Variants in RIMS2 observed in about 807,000 individuals in gnomAD.
RIMS2 encodes the protein regulating synaptic membrane exocytosis protein 2.
RIMS2 carries 59 observed loss-of-function variants against 174.4 expected under a neutral mutation model. The ratio of observed to expected loss-of-function variants is 0.34; its 90% CI spans 0.27 to 0.42. The LOEUF is 0.42. Ranked by LOEUF, RIMS2 falls within the 10% of genes least tolerant of loss-of-function variation. RIMS2 has a pLI of 1.00. For synonymous variants in RIMS2, 606 were observed against 572.5 expected, an observed-to-expected ratio of 1.06 and a Z score of -0.84; for missense variants, 1,620 against 1,666.3, an observed-to-expected ratio of 0.97 and a Z score of 0.48.
intron 19 of RIMS2, among the ~76,000 whole-genome samples, chr8:104,177,935 G>T (rs952100792): frequency 1.3e-5 from 2 of 152,092 alleles, no homozygotes; most frequent in African/African-American, 4.8e-5. Context: ...AGACTTGAAA[G>T]AAGATGTCAA....
At chr8:104,151,109 A>C (rs2098686368) in intron 19 of RIMS2, among the ~76,000 whole-genome samples, 1 of 152,202 alleles carries the variant, frequency 6.6e-6, no homozygotes, top group South Asian at 2.1e-4. Flanking sequence ...TAGAGAGGGA[A>C]TGATAGATTC....
intron 1 of RIMS2, among the ~76,000 whole-genome samples, chr8:103,590,035 A>T (rs1375483397): frequency 6.6e-6 from 1 of 151,378 alleles, no homozygotes; most frequent in East Asian, 1.9e-4. Flanking sequence ...CGTGGTGACT[A>T]TAGTTAATAA....
chr8:104,254,468 C>G (rs1004612855), downstream of RIMS2: 1 of 152,180 alleles, frequency 6.6e-6, no homozygotes, highest in Non-Finnish European at 1.5e-5. Context: ...CCCCACACAG[C>G]CCTGAGCCTG....
chr8:103,636,195 G>A (rs1282203494), intron 1 of RIMS2, among the ~76,000 whole-genome samples: 2 of 152,174 alleles, frequency 1.3e-5, no homozygotes, highest in African/African-American at 4.8e-5. Flanking sequence ...TCAAGCCAGT[G>A]GGTTTTATCT....
At chr8:104,088,624 G>A (rs547917544) in intron 19 of RIMS2, among the ~76,000 whole-genome samples, 1 of 151,950 alleles carries the variant, frequency 6.6e-6, no homozygotes, top group South Asian at 2.1e-4. Flanking sequence ...TGGTTATCTG[G>A]TGAGATTTAT....
intron 19 of RIMS2, among the ~76,000 whole-genome samples, chr8:104,148,140 A>T (rs1203191152): frequency 1.4e-5 from 2 of 147,260 alleles, no homozygotes; most frequent in Admixed American, 6.8e-5. Context: ...TTACAGGGCC[A>T]CTCTTGAAAT....
At chr8:103,647,548 C>T (rs1362227773) in intron 1 of RIMS2, among the ~76,000 whole-genome samples, 3 of 152,014 alleles carry the variant, frequency 2.0e-5, no homozygotes, top group Non-Finnish European at 2.9e-5. Flanking sequence ...GAATCCATCT[C>T]GTCCTGGGCT....
intron 6 of RIMS2, among the ~76,000 whole-genome samples, chr8:103,915,179 A>G (rs1330531867): frequency 2.6e-5 from 4 of 152,072 alleles, no homozygotes; most frequent in African/African-American, 9.6e-5. Context: ...ATACTGTAAA[A>G]TGTTTTTGTA....
At chr8:103,692,418 A>G (rs1280325893) in intron 1 of RIMS2, among the ~76,000 whole-genome samples, 2 of 152,176 alleles carry the variant, frequency 1.3e-5, no homozygotes, top group Non-Finnish European at 2.9e-5. Flanking sequence ...GACCCAAGCC[A>G]CAAGACAAAG....
At chr8:104,042,880 T>C (rs1001466029) in intron 19 of RIMS2, among the ~76,000 whole-genome samples, 4 of 151,510 alleles carry the variant, frequency 2.6e-5, no homozygotes, top group East Asian at 1.9e-4. Flanking sequence ...GTCAGTAGCA[T>C]ATGAAGAGTA....
chr8:103,829,093 T>A (rs1172053422), intron 3 of RIMS2, among the ~76,000 whole-genome samples: 2 of 150,626 alleles, frequency 1.3e-5, no homozygotes, highest in African/African-American at 2.4e-5. Context: ...TAGGTTTTTT[T>A]TTTTTTTTTT....
At chr8:104,041,607 G>A (rs958889774) in intron 19 of RIMS2, among the ~76,000 whole-genome samples, 4 of 151,648 alleles carry the variant, frequency 2.6e-5, no homozygotes, top group African/African-American at 9.6e-5. Flanking sequence ...TCCATAAACT[G>A]AATAACTAAA....
chr8:103,837,082 A>G (rs140819835), intron 3 of RIMS2, among the ~76,000 whole-genome samples: 65 of 152,324 alleles, frequency 4.3e-4, no homozygotes, highest in Middle Eastern at 3.4e-3. Context: ...TTAGTTGTCT[A>G]TTGTTGTCTA....
intron 3 of RIMS2, among the ~76,000 whole-genome samples, chr8:103,865,590 A>G (rs946580163): frequency 2.0e-5 from 3 of 152,020 alleles, no homozygotes; most frequent in Admixed American, 6.6e-5. Context: ...CAGCATCCAT[A>G]TCAGTTTTTA....
intron 19 of RIMS2, among the ~76,000 whole-genome samples, chr8:104,114,094 A>G (rs1246308923): frequency 1.3e-5 from 2 of 152,084 alleles, no homozygotes; most frequent in Non-Finnish European, 2.9e-5. Context: ...TTCTGATATT[A>G]GAATTCCTAA....
chr8:103,558,163 C>A (rs2131851394), intron 1 of RIMS2, among the ~76,000 whole-genome samples: 1 of 151,896 alleles, frequency 6.6e-6, no homozygotes, highest in South Asian at 2.1e-4. Context: ...AGAAAAAAAC[C>A]CAGCAATTCA....
chr8:103,789,156 C>T (rs376395251), intron 3 of RIMS2, among the ~76,000 whole-genome samples: 1 of 152,066 alleles, frequency 6.6e-6, no homozygotes, highest in Non-Finnish European at 1.5e-5. Flanking sequence ...CACCCACTGA[C>T]CTGCGCCCAC....
intron 10 of RIMS2, chr8:103,922,731 TG>T: frequency 6.3e-6 from 2 of 319,164 alleles, no homozygotes; most frequent in South Asian, 4.8e-5. Context: ...ATTTCTCCTT[TG>T]GTTTTTTTTG....
At chr8:104,001,334 T>G (rs1196344345) in intron 17 of RIMS2, among the ~76,000 whole-genome samples, 1 of 151,992 alleles carries the variant, frequency 6.6e-6, no homozygotes, top group Non-Finnish European at 1.5e-5. Flanking sequence ...TGTATCAAAA[T>G]GTAACAGTAC....
Sources: gnomAD v4.1 joint callset for allele counts (sites outside exome capture counted in the v4.1 genomes callset) on GRCh38, gnomAD v4.1.1 for gene constraint, MANE v1.5 for transcripts, NCBI Gene and HGNC (gene_info 2026-07-23, HGNC 2026-07-21) for gene names.